The following GRIK4 variants were observed in gnomAD, a reference collection of about 807,000 sequenced individuals.
GRIK4 encodes the protein glutamate receptor ionotropic, kainate 4.
Under a neutral mutation model 104.9 loss-of-function variants are expected in GRIK4, and 40 were observed. That is an observed-to-expected ratio of 0.38 (90% CI 0.30 to 0.50). The LOEUF is 0.50. GRIK4 is among the 20% of genes least tolerant of loss of function. The probability of loss-of-function intolerance (pLI) is 0.93; values close to 1 mark genes in which losing one functional copy is unlikely to be tolerated. For synonymous variants in GRIK4, 485 were observed against 524.9 expected (o/e 0.92, Z 1.04); for missense variants, 1,047 against 1,308.1 (o/e 0.80, Z 3.08).
In GRIK4 at chr11:120,967,463, C is replaced by A; in HGVS notation, c.2395+140C>A. 1 of 837,638 alleles carries A rather than the reference C, an allele frequency of 1.2e-6. No individual in the cohort carries two copies. The highest frequency in any genetic ancestry group is 1.8e-6 in the Non-Finnish European group (1 of 561,648). The allele number at this position is 837,638 out of a possible 1,614,324, so 51.9% of individuals were successfully genotyped here. ...GGAAGGAACCTAGGTATAAAGTGGG[C>A]TGGCGGGGGATCAGGTCTGTCCCAG... On this transcript the variant is annotated intron_variant, in intron 19 of 20. Coordinates refer to ENST00000527524, the MANE Select transcript of GRIK4 (RefSeq NM_014619.5). The surrounding 1 kb of genome is among the most constrained non-coding windows in gnomAD (Gnocchi z 4.2).
chr11:120,802,420 G>T (rs1436986618), intron 3 of GRIK4, among the ~76,000 whole-genome samples: 1 of 152,216 alleles, frequency 6.6e-6, no homozygotes, highest in African/African-American at 2.4e-5. Flanking sequence ...CGGGGACTTC[G>T]TGCAGACAGG....
At chr11:120,842,649 T>G (rs1040006225) in intron 8 of GRIK4, among the ~76,000 whole-genome samples, 1 of 152,186 alleles carries the variant, frequency 6.6e-6, no homozygotes, top group African/African-American at 2.4e-5. Flanking sequence ...GATGTCAGCT[T>G]CCCGTGTTCT....
At chr11:120,514,966 T>C (rs766451496) in intron 1 of GRIK4, 6 of 456,704 alleles carry the variant, frequency 1.3e-5, no homozygotes, top group South Asian at 9.3e-5. Context: ...ATCCTGCCGC[T>C]GTGCCTGTCT....
chr11:120,709,670 T>C (rs1358939334), intron 3 of GRIK4, among the ~76,000 whole-genome samples: 1 of 152,236 alleles, frequency 6.6e-6, no homozygotes, highest in Non-Finnish European at 1.5e-5. Flanking sequence ...TAGACTATTC[T>C]ATAAGTGTTT....
chr11:120,876,382 C>T (rs1177917690), intron 11 of GRIK4, among the ~76,000 whole-genome samples: 1 of 146,744 alleles, frequency 6.8e-6, no homozygotes. Flanking sequence ...ACCATCACCA[C>T]CACCACCAGC....
chr11:120,701,931 A>G (rs1950557658), intron 3 of GRIK4, among the ~76,000 whole-genome samples: 1 of 150,676 alleles, frequency 6.6e-6, no homozygotes, highest in South Asian at 2.1e-4. Context: ...TAAGAGAGAC[A>G]GATCAAGGGT....
At chr11:120,563,697 C>G (rs1299232242) in intron 1 of GRIK4, among the ~76,000 whole-genome samples, 1 of 152,186 alleles carries the variant, frequency 6.6e-6, no homozygotes, top group Admixed American at 6.5e-5. Context: ...TTGGAGCCTC[C>G]TCTCAGGAAG....
At chr11:120,788,118 C>G (rs1952326262) in intron 3 of GRIK4, among the ~76,000 whole-genome samples, 1 of 151,780 alleles carries the variant, frequency 6.6e-6, no homozygotes, top group African/African-American at 2.4e-5. Flanking sequence ...ATCTGCCCAC[C>G]TCGGCCTCCC....
chr11:120,797,766 T>G (rs1952547713), intron 3 of GRIK4, among the ~76,000 whole-genome samples: 1 of 152,204 alleles, frequency 6.6e-6, no homozygotes, highest in Non-Finnish European at 1.5e-5. Context: ...CCTAATAACT[T>G]TGAGCACAAA....
chr11:120,896,268 G>T (rs1302567349), intron 11 of GRIK4, among the ~76,000 whole-genome samples: 1 of 152,234 alleles, frequency 6.6e-6, no homozygotes, highest in Non-Finnish European at 1.5e-5. Flanking sequence ...TAAAGCTCAG[G>T]CCTCTCAGCT....
chr11:120,647,630 G>A (rs1029312779), intron 1 of GRIK4, among the ~76,000 whole-genome samples: 20 of 152,218 alleles, frequency 1.3e-4, no homozygotes, highest in Non-Finnish European at 2.6e-4. Context: ...CTCCCCACCC[G>A]GCACATGCCT....
Position 120,566,849 on chromosome 11 carries a change from G to A in GRIK4, c.-159+54962G>A, listed in dbSNP as rs191076597. Among the ~76,000 whole-genome samples the A allele has an allele frequency of 5.7e-4, 86 of 151,688 alleles. 1 individual carries two copies. The East Asian group carries it at 0.012, about 21-fold the overall frequency. ...CTCCCGAGTAGCTGGGACTACAGGC[G>A]CGTGCCATCACACCGGCTAATTTTT... On this transcript the variant is annotated intron_variant, in intron 1 of 20. Coordinates refer to ENST00000527524, the MANE Select transcript of GRIK4 (RefSeq NM_014619.5).
chr11:120,792,819 A>G (rs1952427756), intron 3 of GRIK4, among the ~76,000 whole-genome samples: 1 of 152,174 alleles, frequency 6.6e-6, no homozygotes, highest in Non-Finnish European at 1.5e-5. Flanking sequence ...AGATGTCACC[A>G]GGCTGTTGGA....
At chr11:120,599,551 G>A (rs1387299545) in intron 1 of GRIK4, among the ~76,000 whole-genome samples, 1 of 152,236 alleles carries the variant, frequency 6.6e-6, no homozygotes, top group African/African-American at 2.4e-5. Context: ...GTCAGTGATG[G>A]AGTCTCTAGA....
At chr11:120,628,911 C>G (rs1031800197) in intron 1 of GRIK4, among the ~76,000 whole-genome samples, 4 of 152,202 alleles carry the variant, frequency 2.6e-5, no homozygotes, top group Non-Finnish European at 5.9e-5. Flanking sequence ...ATTAAGCAAG[C>G]AGTACTTGCC....
intron 1 of GRIK4, among the ~76,000 whole-genome samples, chr11:120,614,886 C>A (rs1223607233): frequency 1.3e-5 from 2 of 152,146 alleles, no homozygotes; most frequent in Non-Finnish European, 2.9e-5. Flanking sequence ...GTAGTCCCAG[C>A]TACTCGGGAG....
intron 8 of GRIK4, among the ~76,000 whole-genome samples, chr11:120,852,145 CA>C (rs1238588063): frequency 6.6e-6 from 1 of 152,240 alleles, no homozygotes. Flanking sequence ...TTCAGCTACA[CA>C]GTTAACCACA....
At chr11:120,664,252 T>C (rs969262740) in intron 3 of GRIK4, among the ~76,000 whole-genome samples, 3 of 152,230 alleles carry the variant, frequency 2.0e-5, no homozygotes, top group African/African-American at 7.2e-5. Context: ...TGTCCATCTG[T>C]CTGTCTTACT....
intron 3 of GRIK4, among the ~76,000 whole-genome samples, chr11:120,709,315 G>A (rs1431970090): frequency 2.0e-5 from 3 of 151,810 alleles, no homozygotes; most frequent in East Asian, 1.9e-4. Context: ...GCTCACCTCC[G>A]TTGAGCACCT....
Sources: allele counts gnomAD v4.1 joint callset (sites outside exome capture counted in the v4.1 genomes callset), GRCh38; gene constraint gnomAD v4.1.1; non-coding constraint Gnocchi (gnomAD v3.1); transcripts MANE v1.5; gene names NCBI Gene and HGNC (gene_info 2026-07-23, HGNC 2026-07-21).